Variants in HNRNPAB observed in about 807,000 individuals in gnomAD.
HNRNPAB encodes the protein heterogeneous nuclear ribonucleoprotein A/B, also known as ABBP-1.
HNRNPAB carries 17 observed loss-of-function variants against 44.1 expected under a neutral mutation model. That is an observed-to-expected ratio of 0.39 (90% CI 0.26 to 0.58). HNRNPAB has a LOEUF of 0.58. Ranked by LOEUF, HNRNPAB falls within the 20% of genes least tolerant of loss-of-function variation. HNRNPAB has a pLI of 0.63. For synonymous variants in HNRNPAB, 183 were observed against 167.6 expected (o/e 1.09, Z -0.71); for missense variants, 393 against 432.7 (o/e 0.91, Z 0.81).
Position 178,204,804 on chromosome 5 carries a change from G to T in HNRNPAB, c.-23-11G>T. On this transcript the variant is annotated splice_polypyrimidine_tract_variant and intron_variant, in intron 1 of 7. Coordinates refer to ENST00000358344, the MANE Select transcript of HNRNPAB (RefSeq NM_031266.3). ...CGCGCCGGCCTGACGCGCTGTCGCC[G>T]CTGGTTGCAGGAGCCGCCGCGCCTC... 1 of 1,199,658 alleles carries T rather than the reference G, an allele frequency of 8.3e-7. No homozygotes were observed. The highest frequency in any genetic ancestry group is 3.9e-5 in the South Asian group (1 of 25,374). The allele number at this position is 1,199,658 out of a possible 1,614,324, so 74.3% of individuals were successfully genotyped here.
intron 6 of HNRNPAB, 107 bp downstream of exon 6, chr5:178,209,554 T>G: frequency 2.1e-6 from 2 of 938,822 alleles, no homozygotes; most frequent in Non-Finnish European, 1.7e-6. Context: ...GTGGGCAGAT[T>G]GTGTGAGGTT....
At chr5:178,210,054 A>T in intron 6 of HNRNPAB, 78 bp from the exon 7 acceptor site, 2 of 1,573,144 alleles carry the variant, frequency 1.3e-6, no homozygotes, top group Non-Finnish European at 8.6e-7. Flanking sequence ...TGCCACCCCA[A>T]AGGGCAGGAT....
At position 178,210,314 on chromosome 5, in the gene HNRNPAB, C is replaced by G. The variant is rs1167383218; in HGVS notation, c.928+42C>G. Reference sequence around the variant, plus strand: ...GAGGCCCCATCCGCTCACCCCTCGTCCCCAGGGGAGGCAGGACAGTGTAGG... The same window carrying G: ...GAGGCCCCATCCGCTCACCCCTCGTGCCCAGGGGAGGCAGGACAGTGTAGG... On this transcript the variant is annotated intron_variant, in intron 7 of 7. Coordinates refer to ENST00000358344, the MANE Select transcript of HNRNPAB (RefSeq NM_031266.3). 12 of 1,613,132 alleles carry G rather than the reference C, an allele frequency of 7.4e-6. No homozygotes were observed. The Admixed American group carries it at 2.0e-4, about 27-fold the overall frequency.
chr5:178,207,242 TC>T lies in HNRNPAB; in HGVS notation c.669+18del, dbSNP rs1757106404. On this transcript the variant is annotated intron_variant, in intron 5 of 7. Coordinates refer to ENST00000358344, the MANE Select transcript of HNRNPAB (RefSeq NM_031266.3). ...GGAAGCAAGGTAAGGTGTTCCCAGCTCTGCTTGGCCTCCTGTGCTGCTGGAG... is the reference window on the plus strand; with the variant it reads ...GGAAGCAAGGTAAGGTGTTCCCAGCTTGCTTGGCCTCCTGTGCTGCTGGAG... 1 of 1,613,344 alleles carries T rather than the reference TC, an allele frequency of 6.2e-7. No individual in the cohort carries two copies. The highest frequency in any genetic ancestry group is 1.3e-5 in the African/African-American group (1 of 74,912).
intron 5 of HNRNPAB, chr5:178,208,701 T>TC (rs1757258580): frequency 6.6e-6 from 1 of 152,336 alleles, no homozygotes; most frequent in Admixed American, 6.5e-5. Context: ...CCTACCCCAT[T>TC]CCACCCCCAG....
intron 2 of HNRNPAB, chr5:178,205,476 T>G (rs1248426813): frequency 1.2e-5 from 2 of 164,364 alleles, no homozygotes; most frequent in Admixed American, 6.1e-5. Context: ...TGGGCGGGCT[T>G]GGTCCCCGGA....
chr5:178,209,194 C>T (rs923162217), intron 5 of HNRNPAB, 136 bp from the exon 6 acceptor site: 14 of 746,488 alleles, frequency 1.9e-5, no homozygotes, highest in Admixed American at 6.2e-5. Flanking sequence ...CAAAGGTGGC[C>T]TCCCATACTA....
chr5:178,205,752 C>T, intron 2 of HNRNPAB, 90 bp from the exon 3 acceptor site: 1 of 1,264,036 alleles, frequency 7.9e-7, no homozygotes, highest in Non-Finnish European at 1.1e-6. Context: ...TAGCTGTAGA[C>T]TTCGTGAGAA....
chr5:178,210,889 T>A lies in HNRNPAB; in HGVS notation c.*266T>A. On this transcript the variant is annotated 3_prime_UTR_variant, in exon 8 of 8. Coordinates refer to ENST00000358344, the MANE Select transcript of HNRNPAB (RefSeq NM_031266.3). Reference sequence around the variant, plus strand: ...TCCCCCAGAAGCAGGTGGGAGGCTCTGCTTCCTGCTGCCGCTCTGCAGCCT... The same window carrying A: ...TCCCCCAGAAGCAGGTGGGAGGCTCAGCTTCCTGCTGCCGCTCTGCAGCCT... 1.9e-6 allele frequency: 1 copy of A among 515,794 alleles called. No individual in the cohort carries two copies. Among genetic ancestry groups the A allele is most frequent in the Non-Finnish European group, 3.5e-6 (1 of 288,184 alleles). 32.0% of individuals were successfully genotyped at this position (515,794 alleles called of 1,614,324 possible).
rs766278503 is a variant in HNRNPAB at position 178,211,029 on chromosome 5, G to A, written c.*406G>A. 1 of 195,164 alleles carries A rather than the reference G, an allele frequency of 5.1e-6. No homozygotes were observed. The highest frequency in any genetic ancestry group is 1.1e-5 in the Non-Finnish European group (1 of 94,988). 12.1% of individuals were successfully genotyped at this position (195,164 alleles called of 1,614,324 possible). ...GTCATACATTTCCTGTAACGGAAGT[G>A]TTAATTTTACTGTACTTTTTGGTAC... On this transcript the variant is annotated 3_prime_UTR_variant, in exon 8 of 8. Coordinates refer to ENST00000358344, the MANE Select transcript of HNRNPAB (RefSeq NM_031266.3).
chr5:178,205,736 T>C, intron 2 of HNRNPAB, 106 bp from the exon 3 acceptor site: 4 of 1,049,658 alleles, frequency 3.8e-6, no homozygotes, highest in Non-Finnish European at 5.7e-6. Flanking sequence ...TTGCAGACTC[T>C]AAGGGTAGCT....
chr5:178,206,199 A>G (rs1372086243), intron 3 of HNRNPAB, among the ~76,000 whole-genome samples, 189 bp downstream of exon 3: 2 of 152,154 alleles, frequency 1.3e-5, no homozygotes, highest in African/African-American at 4.8e-5. Flanking sequence ...GGAGTGAGAG[A>G]ATGTGCTGGA....
chr5:178,210,297 A>G (rs1223501043), intron 7 of HNRNPAB, 25 bp downstream of exon 7: 2 of 1,613,924 alleles, frequency 1.2e-6, no homozygotes, highest in Admixed American at 1.7e-5. Flanking sequence ...GGGAGGCCCC[A>G]TCCGCTCACC....
chr5:178,211,040 T>C lies in HNRNPAB; in HGVS notation c.*417T>C, dbSNP rs1355177171. On this transcript the variant is annotated 3_prime_UTR_variant, in exon 8 of 8. Coordinates refer to ENST00000358344, the MANE Select transcript of HNRNPAB (RefSeq NM_031266.3). The stretch of plus-strand genomic sequence containing the variant: ...CCTGTAACGGAAGTGTTAATTTTAC[T>C]GTACTTTTTGGTACCTTTTGGGAAT... 5.1e-6 allele frequency: 1 copy of C among 196,554 alleles called. No homozygotes were observed. Among genetic ancestry groups the C allele is most frequent in the African/African-American group, 2.4e-5 (1 of 42,282 alleles). The allele number at this position is 196,554 out of a possible 1,614,324, so 12.2% of individuals were successfully genotyped here.
At chr5:178,209,937 G>A (rs1320795554) in intron 6 of HNRNPAB, among the ~76,000 whole-genome samples, 195 bp from the exon 7 acceptor site, 3 of 151,992 alleles carry the variant, frequency 2.0e-5, no homozygotes, top group Non-Finnish European at 4.4e-5. Context: ...TTAGCATCCT[G>A]GTCTCTGATC....
Position 178,209,275 on chromosome 5 carries a change from A to G in HNRNPAB, c.670-55A>G, listed in dbSNP as rs562872353. ...TTTGTCGCAGTGAAGGTGTTTGGGC[A>G]GTCACTGCCCTGAGTTTGTCCTACT... On this transcript the variant is annotated intron_variant, in intron 5 of 7. Coordinates refer to ENST00000358344, the MANE Select transcript of HNRNPAB (RefSeq NM_031266.3). 7.8e-5 allele frequency: 106 copies of G among 1,358,520 alleles called. No homozygotes were observed. In the African/African-American group the frequency reaches 1.4e-3, roughly 18 times the overall value. 84.2% of individuals were successfully genotyped at this position (1,358,520 alleles called of 1,614,324 possible).
chr5:178,210,083 T>A lies in HNRNPAB; in HGVS notation c.788-49T>A, dbSNP rs753050803. 2.6e-5 allele frequency: 42 copies of A among 1,603,838 alleles called. 1 individual carries two copies. In the South Asian group the frequency reaches 3.2e-4, roughly 12 times the overall value. The stretch of plus-strand genomic sequence containing the variant: ...GCAGGATTTCCTCCATCCTAGCTCC[T>A]GCGTATGCTAAATGGTCCACGGGCC... On this transcript the variant is annotated intron_variant, in intron 6 of 7. Transcript: ENST00000358344.
At chr5:178,207,563 AG>A (rs1400840574) in intron 5 of HNRNPAB, among the ~76,000 whole-genome samples, 1 of 152,122 alleles carries the variant, frequency 6.6e-6, no homozygotes, top group Non-Finnish European at 1.5e-5. Flanking sequence ...CTGCAGTTTA[AG>A]GTCTCAGAAG....
chr5:178,209,377 G>C lies in HNRNPAB; in HGVS notation c.717G>C (p.Gln239His). ...CCAAAGAAGTCTATCAGCAGCAGCA[G>C]TATGGCTCTGGGGGCCGTGGAAACC... ...AQPKEVYQQQ[Q>H]YGSGGRGNRN... Residue 239 changes from glutamine to histidine, a missense_variant, in exon 6 of 8, where the codon CAG becomes CAC. Physicochemically the swap from Gln to His is conservative, Grantham distance 24. Coordinates refer to ENST00000358344, the MANE Select transcript of HNRNPAB (RefSeq NM_031266.3). 2.5e-6 allele frequency: 4 copies of C among 1,614,218 alleles called. 1 individual carries two copies. The highest frequency in any genetic ancestry group is 2.2e-5 in the South Asian group (2 of 91,088).
Sources: gnomAD v4.1 joint callset for allele counts (sites outside exome capture counted in the v4.1 genomes callset) on GRCh38, gnomAD v4.1.1 for gene constraint, MANE v1.5 for transcripts, NCBI Gene and HGNC (gene_info 2026-07-23, HGNC 2026-07-21) for gene names.